The following IL1RAPL1 variants were observed in gnomAD, a reference collection of about 807,000 sequenced individuals.
The protein encoded by IL1RAPL1 is interleukin-1 receptor accessory protein-like 1.
In IL1RAPL1, 3 loss-of-function variants were observed where a neutral mutation model predicts 48.4. The observed-to-expected ratio is 0.06, with a 90% CI of 0.03 to 0.16. The LOEUF (loss-of-function observed/expected upper bound fraction) is 0.16. Among genes scored for constraint, IL1RAPL1 ranks in the 10% least tolerant of loss-of-function variants. IL1RAPL1 has a pLI of 1.00. For missense variants in IL1RAPL1, 349 were observed against 530.6 expected (o/e 0.66, Z 3.36); for synonymous variants, 185 against 187.7 (o/e 0.99, Z 0.12).
At chrX:29,254,379 T>C (rs1931718513) in intron 2 of IL1RAPL1, among the ~76,000 whole-genome samples, 1 of 111,183 alleles carries the variant, frequency 9.0e-6, no homozygotes, top group Non-Finnish European at 1.9e-5. Context: ...TGTGAAACAA[T>C]TATCATATAC....
chrX:29,178,915 G>T (rs1930087185), intron 2 of IL1RAPL1, among the ~76,000 whole-genome samples: 1 of 111,428 alleles, frequency 9.0e-6, no homozygotes, highest in Admixed American at 9.6e-5. Context: ...TAGATGTGTG[G>T]AATTATTTCT....
intron 5 of IL1RAPL1, among the ~76,000 whole-genome samples, chrX:29,560,415 C>A (rs1004978905): frequency 2.7e-5 from 3 of 111,665 alleles, no homozygotes; most frequent in Non-Finnish European, 5.7e-5. Context: ...ATATCTATAT[C>A]TATCTCAATA....
At chrX:28,829,206 T>C (rs1920993141) in intron 2 of IL1RAPL1, among the ~76,000 whole-genome samples, 1 of 112,097 alleles carries the variant, frequency 8.9e-6, no homozygotes, top group African/African-American at 3.2e-5. Context: ...GTATCCTTGC[T>C]GAACTTGGTT....
intron 2 of IL1RAPL1, among the ~76,000 whole-genome samples, chrX:29,008,422 C>G (rs1050590129): frequency 2.7e-5 from 3 of 111,682 alleles, no homozygotes; most frequent in African/African-American, 9.7e-5. Flanking sequence ...GTGATCTGCC[C>G]GCCTCGGCCT....
chrX:29,829,737 A>T (rs1030646928), intron 6 of IL1RAPL1, among the ~76,000 whole-genome samples: 1 of 111,925 alleles, frequency 8.9e-6, no homozygotes, highest in Non-Finnish European at 1.9e-5. Context: ...ATGATCTACA[A>T]AGTACCAAAA....
At chrX:29,672,450 T>G (rs1455778041) in intron 6 of IL1RAPL1, among the ~76,000 whole-genome samples, 1 of 111,657 alleles carries the variant, frequency 9.0e-6, no homozygotes, top group African/African-American at 3.3e-5. Context: ...CTTTTACCTC[T>G]TTTTCTCTCT....
chrX:29,479,402 G>A (rs1181078387), intron 5 of IL1RAPL1, among the ~76,000 whole-genome samples: 3 of 32,895 alleles, frequency 9.1e-5, no homozygotes, highest in East Asian at 4.0e-3. Context: ...GTGACAGAGC[G>A]AGACCCTGTC....
At chrX:29,024,274 CTTAAG>C (rs1926435437) in intron 2 of IL1RAPL1, among the ~76,000 whole-genome samples, 1 of 111,543 alleles carries the variant, frequency 9.0e-6, no homozygotes, top group Non-Finnish European at 1.9e-5. Flanking sequence ...GGTGTGTTTA[CTTAAG>C]TTATTTAAGT....
Position 29,088,997 on chromosome X carries a change from A to C in IL1RAPL1, c.83-193941A>C, listed in dbSNP as rs747697982. ...AAGAAAAAAATGTTTCCTGGAGAAA[A>C]TGAGAACAGTCCTACCTTTAAGCAA... On this transcript the variant is annotated intron_variant, in intron 2 of 10. Coordinates refer to ENST00000378993, the MANE Select transcript of IL1RAPL1 (RefSeq NM_014271.4). 2.8e-4 allele frequency among the ~76,000 whole-genome samples: 31 copies of C among 111,498 alleles called. No homozygotes were observed. In the South Asian group the frequency reaches 0.011, roughly 39 times the overall value.
chrX:29,233,730 T>A (rs1022590132), intron 2 of IL1RAPL1, among the ~76,000 whole-genome samples: 2 of 111,973 alleles, frequency 1.8e-5, no homozygotes, highest in Non-Finnish European at 3.8e-5. Flanking sequence ...AAGATAATTT[T>A]GTGTATATAA....
chrX:29,489,368 A>G (rs780490348), intron 5 of IL1RAPL1, among the ~76,000 whole-genome samples: 2 of 112,125 alleles, frequency 1.8e-5, no homozygotes, highest in African/African-American at 3.2e-5. Context: ...GTAAAAGGAG[A>G]AACGGAATAC....
At chrX:29,368,341 C>T (rs1030872492) in intron 3 of IL1RAPL1, among the ~76,000 whole-genome samples, 10 of 111,880 alleles carry the variant, frequency 8.9e-5, no homozygotes, top group Non-Finnish European at 1.5e-4. Flanking sequence ...ACCTCAGAAA[C>T]GCTTTGATTC....
intron 5 of IL1RAPL1, among the ~76,000 whole-genome samples, chrX:29,538,000 A>T (rs1921292879): frequency 1.8e-5 from 2 of 111,402 alleles, no homozygotes. Context: ...TGCAGATACA[A>T]TTACATTAAC....
At chrX:29,605,499 A>G (rs182651142) in intron 5 of IL1RAPL1, among the ~76,000 whole-genome samples, 2 of 110,795 alleles carry the variant, frequency 1.8e-5, no homozygotes, top group African/African-American at 6.6e-5. Flanking sequence ...TACACATAGC[A>G]CCTTCAAAGC....
At chrX:28,648,307 C>T (rs1331196577) in intron 1 of IL1RAPL1, among the ~76,000 whole-genome samples, 1 of 111,719 alleles carries the variant, frequency 9.0e-6, no homozygotes, top group African/African-American at 3.3e-5. Context: ...GTCTTTTAAG[C>T]CTGATATCCT....
At chrX:29,899,301 A>G (rs1221849207) in intron 6 of IL1RAPL1, among the ~76,000 whole-genome samples, 1 of 111,381 alleles carries the variant, frequency 9.0e-6, no homozygotes, top group Non-Finnish European at 1.9e-5. Context: ...GACAATTCAA[A>G]TACTTTTAAA....
intron 6 of IL1RAPL1, among the ~76,000 whole-genome samples, chrX:29,731,835 G>A (rs929719571): frequency 1.8e-5 from 2 of 112,123 alleles, no homozygotes; most frequent in Non-Finnish European, 3.8e-5. Flanking sequence ...AGCAAGGGCT[G>A]AGGAAGGAGC....
At chrX:29,455,390 A>T (rs1398547003) in intron 5 of IL1RAPL1, among the ~76,000 whole-genome samples, 1 of 112,013 alleles carries the variant, frequency 8.9e-6, no homozygotes, top group Non-Finnish European at 1.9e-5. Context: ...TGGTACTTGA[A>T]ATTTTAAAAG....
At chrX:29,944,695 T>C (rs185168917) in intron 9 of IL1RAPL1, among the ~76,000 whole-genome samples, 101 of 111,716 alleles carry the variant, frequency 9.0e-4, no homozygotes, top group African/African-American at 3.1e-3. Context: ...TAAACCTGTT[T>C]CCAGGGAACT....
Sources: allele counts gnomAD v4.1 joint callset (sites outside exome capture counted in the v4.1 genomes callset), GRCh38; gene constraint gnomAD v4.1.1; transcripts MANE v1.5; gene names NCBI Gene and HGNC (gene_info 2026-07-23, HGNC 2026-07-21).